ZC3H3: variants seen among roughly 807,000 people sequenced by gnomAD.
The protein encoded by ZC3H3 is zinc finger CCCH-type containing 3.
Under a neutral mutation model 77.3 loss-of-function variants are expected in ZC3H3, and 36 were observed. That is an observed-to-expected ratio of 0.47 (90% CI 0.36 to 0.61). ZC3H3 has a LOEUF of 0.61. Ranked by LOEUF, ZC3H3 falls within the 20% of genes least tolerant of loss-of-function variation. ZC3H3 has a pLI of 0.00. For missense variants in ZC3H3, 1,331 were observed against 1,312.2 expected (o/e 1.01, Z -0.22); for synonymous variants, 626 against 555.2 (o/e 1.13, Z -1.79).
Position 143,462,695 on chromosome 8 carries a change from C to T in ZC3H3, c.2307+3022G>A, listed in dbSNP as rs932766804. Among the ~76,000 whole-genome samples the T allele has an allele frequency of 6.6e-6, 1 of 152,216 alleles. No individual in the cohort carries two copies. Among genetic ancestry groups the T allele is most frequent in the Admixed American group, 6.5e-5 (1 of 15,282 alleles). ...AACCACACACAGGGTGTGGGGAAAACGGCAGCGCGGAGGCTCACGGAGCAG... is the reference window on the plus strand; with the variant it reads ...AACCACACACAGGGTGTGGGGAAAATGGCAGCGCGGAGGCTCACGGAGCAG... On this transcript the variant is annotated intron_variant, in intron 9 of 11. Transcript: ENST00000262577. The surrounding 1 kb of genome is among the most constrained non-coding windows in gnomAD (Gnocchi z 4.7).
At chr8:143,515,611 C>T (rs1245717193) in intron 3 of ZC3H3, among the ~76,000 whole-genome samples, 2 of 152,334 alleles carry the variant, frequency 1.3e-5, no homozygotes, top group East Asian at 1.9e-4. Context: ...GTCCCCATCA[C>T]GAGAAGGAAG....
At chr8:143,525,046 C>G (rs371173512) in intron 3 of ZC3H3, among the ~76,000 whole-genome samples, 5 of 152,294 alleles carry the variant, frequency 3.3e-5, no homozygotes, top group South Asian at 4.1e-4. Context: ...GTCATCGTAT[C>G]TAGCCACACA....
chr8:143,450,651 G>C lies in ZC3H3; in HGVS notation c.2308-9531C>G, dbSNP rs545510739. Among the ~76,000 whole-genome samples, 4 of 152,284 alleles carry C rather than the reference G, an allele frequency of 2.6e-5. No individual in the cohort carries two copies. The South Asian group carries it at 8.3e-4, about 32-fold the overall frequency. On this transcript the variant is annotated intron_variant, in intron 9 of 11. Coordinates refer to ENST00000262577, the MANE Select transcript of ZC3H3 (RefSeq NM_015117.3). ...GCGGCTGAGCAGGTCGAGAGAGGGG[G>C]CTGGAGCAGGAGGTCGAGAGAGGGA...
rs1822869148 is a variant in ZC3H3, at chr8:143,538,231, C to T, written c.1136G>A (p.Trp379Ter). Residue 379 changes from tryptophan to a stop codon, truncating the protein, a stop_gained, in exon 2 of 12, where the codon TGG becomes TAG. Coordinates refer to ENST00000262577, the MANE Select transcript of ZC3H3 (RefSeq NM_015117.3). LOFTEE classifies it high-confidence loss of function. ...KPGSAPSKYK[W>*]KASSPSASSS... ...GGAGGCAGAGGGGCTGGAGGCCTTCCACTTGTACTTGCTGGGGGCAGACCC... is the reference window on the plus strand; with the variant it reads ...GGAGGCAGAGGGGCTGGAGGCCTTCTACTTGTACTTGCTGGGGGCAGACCC... The T allele has an allele frequency of 6.2e-7, 1 of 1,612,892 alleles. No homozygotes were observed. The highest frequency in any genetic ancestry group is 8.5e-7 in the Non-Finnish European group (1 of 1,180,042).
intron 9 of ZC3H3, among the ~76,000 whole-genome samples, chr8:143,452,373 G>A (rs566947179): frequency 3.9e-5 from 6 of 152,296 alleles, no homozygotes; most frequent in South Asian, 2.1e-4. Context: ...CAAGTGCAGG[G>A]AGCTGGGTTT....
chr8:143,473,987 C>T (rs1169641597), intron 5 of ZC3H3, among the ~76,000 whole-genome samples: 1 of 152,298 alleles, frequency 6.6e-6, no homozygotes, highest in Middle Eastern at 3.4e-3. Flanking sequence ...GTCCGAGGAT[C>T]AGAGGTAACC....
intron 4 of ZC3H3, among the ~76,000 whole-genome samples, chr8:143,488,448 C>A (rs750661065): frequency 2.8e-5 from 3 of 106,038 alleles, no homozygotes; most frequent in South Asian, 3.8e-4. Flanking sequence ...GAACAGCACC[C>A]GCTCCACGAC....
chr8:143,472,522 T>C (rs1021131995), intron 5 of ZC3H3, among the ~76,000 whole-genome samples: 2 of 152,146 alleles, frequency 1.3e-5, no homozygotes, highest in East Asian at 1.9e-4. Flanking sequence ...GCCAGGGCTA[T>C]GCACTCCCTC....
chr8:143,468,161 G>A (rs1820463101), intron 8 of ZC3H3, 48 bp downstream of exon 8: 6 of 1,584,276 alleles, frequency 3.8e-6, no homozygotes, highest in Non-Finnish European at 8.6e-7. Context: ...GGTGGCTGAG[G>A]CCCCGGAGAA....
At chr8:143,439,376 C>T (rs890637120) in intron 11 of ZC3H3, among the ~76,000 whole-genome samples, 62 of 152,194 alleles carry the variant, frequency 4.1e-4, no homozygotes, top group African/African-American at 1.4e-3. Context: ...AAAATGATAG[C>T]CGTATGGTCG....
At chr8:143,483,619 C>T (rs1310984817) in intron 4 of ZC3H3, among the ~76,000 whole-genome samples, 12 of 152,298 alleles carry the variant, frequency 7.9e-5, no homozygotes, top group South Asian at 2.1e-4. Flanking sequence ...CCTGCCCCCA[C>T]GATCTCAGGG....
rs181610946 is a variant in ZC3H3 at position 143,512,065 on chromosome 8, G to A, written c.1562-4166C>T. 3.6e-3 allele frequency among the ~76,000 whole-genome samples: 549 copies of A among 152,382 alleles called. 2 individuals are homozygous for A. Among genetic ancestry groups the A allele is most frequent in the South Asian group, 6.4e-3 (31 of 4,834 alleles). The stretch of plus-strand genomic sequence containing the variant: ...CTTGCACCACACCATGTTCCCGGGA[G>A]AAGTGACAGCAGCGAGCGGCCAGGA... On this transcript the variant is annotated intron_variant, in intron 3 of 11. Coordinates refer to ENST00000262577, the MANE Select transcript of ZC3H3 (RefSeq NM_015117.3).
intron 9 of ZC3H3, among the ~76,000 whole-genome samples, chr8:143,443,341 A>C (rs912276331): frequency 2.0e-5 from 3 of 152,024 alleles, no homozygotes; most frequent in Non-Finnish European, 2.9e-5. Flanking sequence ...GCGATGAAGA[A>C]AGTAAAATGA....
chr8:143,490,599 T>C (rs541293385), intron 4 of ZC3H3, among the ~76,000 whole-genome samples: 2 of 152,280 alleles, frequency 1.3e-5, no homozygotes, highest in East Asian at 1.9e-4. Context: ...GGCTGGAGGA[T>C]TGATATATTC....
At position 143,437,938 on chromosome 8, in the gene ZC3H3, G is replaced by A. The variant is rs1478558177; in HGVS notation, c.*118C>T. 2 of 1,372,318 alleles carry A rather than the reference G, an allele frequency of 1.5e-6. No homozygotes were observed. Among genetic ancestry groups the A allele is most frequent in the Non-Finnish European group, 2.0e-6 (2 of 986,024 alleles). 85.0% of individuals were successfully genotyped at this position (1,372,318 alleles called of 1,614,324 possible). ...CAGGCAGGCAGAGCAGTGTCCCTGT[G>A]GCCCCCAGGTGAGGCTTGGTGGCGG... On this transcript the variant is annotated 3_prime_UTR_variant, in exon 12 of 12. Transcript: ENST00000262577.
In ZC3H3 at chr8:143,533,077, T is replaced by C. The variant is rs1300579319; in HGVS notation, c.1561+3180A>G. 1.3e-5 allele frequency among the ~76,000 whole-genome samples: 2 copies of C among 152,134 alleles called. No individual in the cohort carries two copies. Among genetic ancestry groups the C allele is most frequent in the African/African-American group, 4.8e-5 (2 of 41,424 alleles). On this transcript the variant is annotated intron_variant, in intron 3 of 11. Coordinates refer to ENST00000262577, the MANE Select transcript of ZC3H3 (RefSeq NM_015117.3). This position sits in a 1 kb window ranked among gnomAD's most constrained non-coding sequence, Gnocchi z 4.0. ...GGGCCTGCCAGACACCCCGGGGCCCTGGACACGCCCCTCCCAGGGTCCTCC... is the reference window on the plus strand; with the variant it reads ...GGGCCTGCCAGACACCCCGGGGCCCCGGACACGCCCCTCCCAGGGTCCTCC...
At position 143,437,843 on chromosome 8, in the gene ZC3H3, G is replaced by A; in HGVS notation, c.*213C>T. On this transcript the variant is annotated 3_prime_UTR_variant, in exon 12 of 12. Coordinates refer to ENST00000262577, the MANE Select transcript of ZC3H3 (RefSeq NM_015117.3). Reference sequence around the variant, plus strand: ...TGGCACCCTGGAAGGTGGTGGGGTGGGGACAGGGGCCTGGCTTGGGGGAGG... The same window carrying A: ...TGGCACCCTGGAAGGTGGTGGGGTGAGGACAGGGGCCTGGCTTGGGGGAGG... The A allele has an allele frequency of 1.6e-6, 1 of 630,434 alleles. No individual in the cohort carries two copies. The highest frequency in any genetic ancestry group is 2.7e-6 in the Non-Finnish European group (1 of 366,416). 39.1% of individuals were successfully genotyped at this position (630,434 alleles called of 1,614,324 possible). A position where few individuals can be genotyped will look rare whatever the true frequency, so the allele number is the denominator to read the frequency against.
chr8:143,445,385 A>G (rs1463413378), intron 9 of ZC3H3, among the ~76,000 whole-genome samples: 1 of 134,642 alleles, frequency 7.4e-6, no homozygotes, highest in Non-Finnish European at 1.5e-5. Context: ...TTGTCTTAAG[A>G]AAAAAAAAAA....
chr8:143,504,560 C>T (rs2130411866), intron 4 of ZC3H3, among the ~76,000 whole-genome samples: 1 of 152,284 alleles, frequency 6.6e-6, no homozygotes, highest in African/African-American at 2.4e-5. Flanking sequence ...CCACCACAAT[C>T]AAGCCTAGAG....
Sources: gnomAD v4.1 joint callset for allele counts (sites outside exome capture counted in the v4.1 genomes callset) on GRCh38, gnomAD v4.1.1 for gene constraint, Gnocchi (gnomAD v3.1) non-coding constraint, MANE v1.5 for transcripts, NCBI Gene and HGNC (gene_info 2026-07-23, HGNC 2026-07-21) for gene names.